The following MCCC1 variants were observed in gnomAD, a reference collection of about 807,000 sequenced individuals.
MCCC1 encodes the protein methylcrotonoyl-CoA carboxylase subunit alpha, mitochondrial.
Under a neutral mutation model 83.8 loss-of-function variants are expected in MCCC1, and 64 were observed. That is an observed-to-expected ratio of 0.76 (90% CI 0.62 to 0.94). MCCC1 has a LOEUF of 0.94. MCCC1 is among the 40% of genes least tolerant of loss of function. The probability of loss-of-function intolerance (pLI) is 0.00; values close to 1 mark genes in which losing one functional copy is unlikely to be tolerated. For synonymous variants in MCCC1, 322 were observed against 315.4 expected, an observed-to-expected ratio of 1.02 and a Z score of -0.22; for missense variants, 807 against 904.7, an observed-to-expected ratio of 0.89 and a Z score of 1.39.
chr3:183,036,742 T>C (rs1052729440), intron 13 of MCCC1, among the ~76,000 whole-genome samples: 22 of 152,116 alleles, frequency 1.4e-4, no homozygotes, highest in Admixed American at 6.5e-5. Flanking sequence ...GGTTTCACCA[T>C]GTTAGCCAGG....
In MCCC1 at chr3:183,099,388, C is replaced by G. The variant is rs539353622; in HGVS notation, c.53G>C (p.Arg18Pro). Residue 18 changes from arginine (R) to proline (P), a missense_variant, in exon 1 of 19, where the codon CGG becomes CCG. By Grantham distance (103) the Arg-to-Pro change is moderately radical (BLOSUM62 -2). Coordinates refer to ENST00000265594, the MANE Select transcript of MCCC1 (RefSeq NM_020166.5). ...GAGCAGGCTCGGGAGACGATGCCAC[C>G]GGTTCCTCTCCGCCGCCACCAGCAG... ...SVLLVAAERN[R>P]WHRLPSLLLP... 1.2e-6 allele frequency: 2 copies of G among 1,604,662 alleles called. No homozygotes were observed. Among genetic ancestry groups the G allele is most frequent in the African/African-American group, 2.7e-5 (2 of 74,844 alleles).
exon 1 of MCCC1, chr3:183,115,869 G>T (rs1560298498): frequency 6.6e-6 from 1 of 151,586 alleles, no homozygotes; most frequent in Non-Finnish European, 1.5e-5. Flanking sequence ...AAAAAAAAAA[G>T]TCCTAAATGT....
upstream of MCCC1, chr3:183,099,724 G>A (rs1719032654): frequency 1.9e-6 from 1 of 539,422 alleles, no homozygotes; most frequent in Non-Finnish European, 3.3e-6. Context: ...TAAGGCAAGG[G>A]TTTTCTCCAT....
intron 1 of MCCC1, chr3:183,099,103 A>G: frequency 1.7e-6 from 1 of 590,006 alleles, no homozygotes; most frequent in Non-Finnish European, 3.0e-6. Context: ...GTCCTCAGAA[A>G]TGGAAAAACA....
chr3:183,017,718 T>C, intron 17 of MCCC1: 1 of 258,570 alleles, frequency 3.9e-6, no homozygotes, highest in South Asian at 4.7e-5. Flanking sequence ...ACAGCCCAAA[T>C]GTACAGGTCA....
chr3:183,103,261 G>A (rs1281024396), upstream of MCCC1, among the ~76,000 whole-genome samples: 1 of 152,098 alleles, frequency 6.6e-6, no homozygotes, highest in Admixed American at 6.5e-5. Context: ...AAAGAACAAA[G>A]CTTCCACAGT....
At chr3:183,031,643 G>A (rs1179882034) in intron 14 of MCCC1, among the ~76,000 whole-genome samples, 5 of 151,420 alleles carry the variant, frequency 3.3e-5, no homozygotes, top group Admixed American at 1.3e-4. Flanking sequence ...GACTACAGGC[G>A]CCCACCACCA....
chr3:183,114,176 T>C (rs543617541), intron 1 of MCCC1, among the ~76,000 whole-genome samples: 23 of 152,342 alleles, frequency 1.5e-4, no homozygotes, highest in South Asian at 4.1e-4. Flanking sequence ...CAAAGCCCTG[T>C]GTCTATCACC....
At chr3:183,025,667 AAGGGAAACC>A (rs1712534687) in intron 15 of MCCC1, 79 bp downstream of exon 15, 6 of 1,196,080 alleles carry the variant, frequency 5.0e-6, no homozygotes, top group Non-Finnish European at 7.5e-6. Context: ...TCAAAGGCTT[AAGGGAAACC>A]AGAGAGTGAA....
chr3:183,092,983 T>A (rs1360404678), intron 2 of MCCC1, among the ~76,000 whole-genome samples: 1 of 150,376 alleles, frequency 6.6e-6, no homozygotes, highest in Non-Finnish European at 1.5e-5. Context: ...AACCTCTACC[T>A]CCCAGGGTCA....
intron 4 of MCCC1, among the ~76,000 whole-genome samples, chr3:183,084,883 C>G (rs1241261266): frequency 6.6e-6 from 1 of 152,028 alleles, no homozygotes; most frequent in Admixed American, 6.6e-5. Flanking sequence ...TAAGTGAACC[C>G]CTGTCTCAAA....
At chr3:183,110,808 T>G (rs897678322) in intron 1 of MCCC1, among the ~76,000 whole-genome samples, 8 of 152,218 alleles carry the variant, frequency 5.3e-5, no homozygotes, top group Non-Finnish European at 1.0e-4. Flanking sequence ...CTTGGGTTAA[T>G]TTTTGTGTAT....
chr3:183,097,182 G>C (rs1012798228), intron 1 of MCCC1, among the ~76,000 whole-genome samples: 3 of 152,114 alleles, frequency 2.0e-5, no homozygotes, highest in Non-Finnish European at 4.4e-5. Context: ...GGAGCTTGCA[G>C]TGAGCCGAGA....
In MCCC1 at chr3:183,020,174, T is replaced by C. The variant is rs1358058490; in HGVS notation, c.1933A>G (p.Thr645Ala). The change falls in exon 17 of 19, where the codon ACT (threonine) becomes GCT (alanine). Residue 645 changes from threonine to alanine, a missense_variant. Transcript: ENST00000265594. ...ATAGGAGCTAAGGGGCCGCCCTGAG[T>C]TTCTTGTGAGCTCACAGAAGATAAG... is the stretch of plus-strand genomic sequence containing the variant. ...KYLSSVSSQE[T>A]QGGPLAPMTG... 1 of 1,614,116 alleles carries C rather than the reference T, an allele frequency of 6.2e-7. No individual in the cohort carries two copies. Among genetic ancestry groups the C allele is most frequent in the Non-Finnish European group, 8.5e-7 (1 of 1,179,988 alleles).
At chr3:183,040,556 C>CAA (rs59767617) in intron 11 of MCCC1, among the ~76,000 whole-genome samples, 5 of 112,580 alleles carry the variant, frequency 4.4e-5, no homozygotes, top group East Asian at 5.2e-4. Flanking sequence ...ACTAAAAATA[C>CAA]AAAAAAAAAA....
chr3:183,056,719 G>A lies in MCCC1; in HGVS notation c.873+592C>T, dbSNP rs566457618. 6.7e-4 allele frequency among the ~76,000 whole-genome samples: 102 copies of A among 152,274 alleles called. No individual in the cohort carries two copies. The South Asian group carries it at 0.019, about 29-fold the overall frequency. ...TTCTGTTTTTTTGTTTGAGACAAGA[G>A]TTTTGCTCTTGTTGCCCAGGCTGGA... On this transcript the variant is annotated intron_variant, in intron 8 of 18. Transcript: ENST00000265594.
At chr3:183,046,001 A>T (rs952919318) in intron 9 of MCCC1, among the ~76,000 whole-genome samples, 3 of 152,192 alleles carry the variant, frequency 2.0e-5, no homozygotes, top group African/African-American at 4.8e-5. Context: ...TGGCAACTAA[A>T]CCTTATGTTA....
chr3:183,026,185 G>C (rs917813151), intron 14 of MCCC1, among the ~76,000 whole-genome samples: 1 of 152,088 alleles, frequency 6.6e-6, no homozygotes, highest in African/African-American at 2.4e-5. Context: ...TGGGACTACA[G>C]GCGTGCCACC....
chr3:183,051,018 C>T (rs2108495204), intron 9 of MCCC1, among the ~76,000 whole-genome samples: 1 of 152,306 alleles, frequency 6.6e-6, no homozygotes, highest in East Asian at 1.9e-4. Context: ...ACTGACATCA[C>T]CAAAAGCTGG....
Sources: gnomAD v4.1 joint callset for allele counts (sites outside exome capture counted in the v4.1 genomes callset) on GRCh38, gnomAD v4.1.1 for gene constraint, MANE v1.5 for transcripts, NCBI Gene and HGNC (gene_info 2026-07-23, HGNC 2026-07-21) for gene names.